The following DRC5 variants were observed in gnomAD, a reference collection of about 807,000 sequenced individuals.
The protein encoded by DRC5 is dynein regulatory complex subunit 5.
the DRC5 span, among the ~76,000 whole-genome samples, chr6:44,296,449 G>A: frequency 2.0e-5 from 3 of 152,218 alleles, no homozygotes; most frequent in Non-Finnish European, 4.4e-5. Flanking sequence ...TCCTGCCCCT[G>A]GCATATTCCC....
chr6:44,293,862 C>G, the DRC5 span, among the ~76,000 whole-genome samples: 1 of 152,210 alleles, frequency 6.6e-6, no homozygotes, highest in Non-Finnish European at 1.5e-5. Flanking sequence ...AATTTAATAT[C>G]AATACTTGTA....
At chr6:44,287,331 G>A in the DRC5 span, 3,114 of 732,510 alleles carry the variant, frequency 4.3e-3, 11 homozygotes, top group Middle Eastern at 0.012. Flanking sequence ...AGGGTGCAGT[G>A]TGGGTGGGAG....
the DRC5 span, among the ~76,000 whole-genome samples, chr6:44,295,854 AGT>A: frequency 6.6e-6 from 1 of 152,208 alleles, no homozygotes; most frequent in African/African-American, 2.4e-5. Context: ...ACGTGGGGAC[AGT>A]ACTTAATAGT....
chr6:44,282,434 T>C, the DRC5 span: 1 of 1,613,762 alleles, frequency 6.2e-7, no homozygotes, highest in Non-Finnish European at 8.5e-7. Flanking sequence ...CAGCACCTCG[T>C]GCACCACGGT....
the DRC5 span, among the ~76,000 whole-genome samples, chr6:44,294,522 A>T: frequency 1.0e-3 from 157 of 151,828 alleles, 2 homozygotes; most frequent in Non-Finnish European, 4.4e-4. Context: ...AGGAGGGTGG[A>T]TTACCTGAGG....
At chr6:44,287,632 A>G in the DRC5 span, 2 of 1,614,128 alleles carry the variant, frequency 1.2e-6, no homozygotes, top group East Asian at 4.5e-5. Context: ...ATCCTCAGCA[A>G]TGATCCGGCG....
the DRC5 span, chr6:44,287,614 C>A: frequency 2.5e-5 from 40 of 1,614,028 alleles, no homozygotes; most frequent in Non-Finnish European, 3.2e-5. Flanking sequence ...GGCCAGTGAC[C>A]ACTCAGGATC....
At chr6:44,294,328 C>G in the DRC5 span, among the ~76,000 whole-genome samples, 1 of 152,142 alleles carries the variant, frequency 6.6e-6, no homozygotes, top group Non-Finnish European at 1.5e-5. Context: ...TATATTGTTT[C>G]TGACAGTTTA....
the DRC5 span, chr6:44,280,442 GAC>G: frequency 7.3e-7 from 1 of 1,365,610 alleles, no homozygotes; most frequent in Non-Finnish European, 1.0e-6. Context: ...CCCAGGATCT[GAC>G]ACACATACTA....
At chr6:44,279,933 A>G in the DRC5 span, 1 of 385,830 alleles carries the variant, frequency 2.6e-6, no homozygotes, top group African/African-American at 2.0e-5. Context: ...GAAGTTGGTC[A>G]TTTGTGGGTG....
the DRC5 span, among the ~76,000 whole-genome samples, chr6:44,290,580 A>G: frequency 6.6e-6 from 1 of 152,030 alleles, no homozygotes; most frequent in Non-Finnish European, 1.5e-5. Flanking sequence ...GGGCTCATAG[A>G]CAGTACGACA....
chr6:44,290,620 G>A, the DRC5 span, among the ~76,000 whole-genome samples: 32 of 152,308 alleles, frequency 2.1e-4, no homozygotes, highest in East Asian at 5.6e-3. Flanking sequence ...AGAGGCAACA[G>A]GCCAGCCCAA....
the DRC5 span, among the ~76,000 whole-genome samples, chr6:44,281,866 A>G: frequency 1.3e-5 from 2 of 152,250 alleles, no homozygotes; most frequent in Non-Finnish European, 2.9e-5. Flanking sequence ...TCTAGAAAGT[A>G]GGGTTAAATA....
the DRC5 span, chr6:44,280,185 C>G: frequency 6.2e-7 from 1 of 1,613,708 alleles, no homozygotes; most frequent in South Asian, 1.1e-5. Flanking sequence ...GTCATTTTAT[C>G]CCACAGAGTT....
chr6:44,291,155 C>A, the DRC5 span, among the ~76,000 whole-genome samples: 2 of 152,296 alleles, frequency 1.3e-5, no homozygotes, highest in Admixed American at 1.3e-4. Context: ...TACCTTCAGC[C>A]TTTATAGGAA....
the DRC5 span, chr6:44,286,024 G>A: frequency 6.2e-7 from 1 of 1,614,100 alleles, no homozygotes; most frequent in Non-Finnish European, 8.5e-7. Flanking sequence ...GGTAGGTGAA[G>A]AGGAAGAGAT....
the DRC5 span, among the ~76,000 whole-genome samples, chr6:44,293,740 C>A: frequency 2.6e-5 from 4 of 152,288 alleles, no homozygotes; most frequent in Admixed American, 2.6e-4. Flanking sequence ...AGGGCCTCCC[C>A]GGGCTAAGTG....
the DRC5 span, chr6:44,280,081 C>A: frequency 9.0e-7 from 1 of 1,105,336 alleles, no homozygotes; most frequent in South Asian, 1.4e-5. Flanking sequence ...TCACAGTCCC[C>A]CTCCCCGCTC....
the DRC5 span, chr6:44,282,640 TCAC>T: frequency 7.5e-7 from 1 of 1,333,628 alleles, no homozygotes; most frequent in Non-Finnish European, 1.0e-6. Context: ...CAAACTTGGC[TCAC>T]CTAGTGTTGG....
Sources: gnomAD v4.1 joint callset for allele counts (sites outside exome capture counted in the v4.1 genomes callset) on GRCh38, gnomAD v4.1.1 for gene constraint, MANE v1.5 for transcripts, NCBI Gene and HGNC (gene_info 2026-07-23, HGNC 2026-07-21) for gene names.